XKR6: variants seen among roughly 807,000 people sequenced by gnomAD.
The protein encoded by XKR6 is XK related 6.
In XKR6, 22 loss-of-function variants were observed where a neutral mutation model predicts 56.7. The observed-to-expected ratio is 0.39, with a 90% CI of 0.28 to 0.55. XKR6 has a LOEUF of 0.55. Ranked by LOEUF, XKR6 falls within the 20% of genes least tolerant of loss-of-function variation. XKR6 has a pLI of 0.66. For missense variants in XKR6, 852 were observed against 889.0 expected (o/e 0.96, Z 0.53); for synonymous variants, 524 against 387.8 (o/e 1.35, Z -4.13).
chr8:11,005,773 T>C (rs998745482), intron 1 of XKR6, among the ~76,000 whole-genome samples: 3 of 152,050 alleles, frequency 2.0e-5, no homozygotes, highest in Admixed American at 2.0e-4. Flanking sequence ...TATTTTCCTC[T>C]TTTTCATATC....
At chr8:11,190,383 T>G (rs368769021) in intron 1 of XKR6, among the ~76,000 whole-genome samples, 1 of 152,130 alleles carries the variant, frequency 6.6e-6, no homozygotes, top group African/African-American at 2.4e-5. Flanking sequence ...CATATTTGAG[T>G]GCAGTATTTA....
chr8:11,188,100 A>G (rs943913711), intron 1 of XKR6, among the ~76,000 whole-genome samples: 1 of 152,120 alleles, frequency 6.6e-6, no homozygotes, highest in African/African-American at 2.4e-5. Flanking sequence ...GAATGTGTGT[A>G]TCACATTACA....
intron 1 of XKR6, among the ~76,000 whole-genome samples, chr8:10,973,726 G>A (rs540559448): frequency 5.9e-5 from 9 of 152,098 alleles, no homozygotes; most frequent in South Asian, 4.1e-4. Flanking sequence ...GACTACAGGC[G>A]CATGCCACCA....
Position 11,071,920 on chromosome 8 carries a change from G to C in XKR6, c.764+128656C>G, listed in dbSNP as rs558605717. Among the ~76,000 whole-genome samples, 119 of 152,302 alleles carry C rather than the reference G, an allele frequency of 7.8e-4. 1 individual carries two copies. The South Asian group carries it at 0.02, about 25-fold the overall frequency. On this transcript the variant is annotated intron_variant, in intron 1 of 2. Coordinates refer to ENST00000416569, the MANE Select transcript of XKR6 (RefSeq NM_173683.4). ...CCTCTGAATATATGCACTACACCAA[G>C]AAAATCAGATCATATATAGACCTCC...
At chr8:10,961,965 C>T (rs1006804962) in intron 1 of XKR6, among the ~76,000 whole-genome samples, 5 of 152,206 alleles carry the variant, frequency 3.3e-5, no homozygotes, top group African/African-American at 7.2e-5. Flanking sequence ...AGCTATTATA[C>T]ACCACCTTTC....
At chr8:11,115,543 T>C (rs1000514625) in intron 1 of XKR6, among the ~76,000 whole-genome samples, 15 of 152,230 alleles carry the variant, frequency 9.9e-5, no homozygotes, top group Admixed American at 9.2e-4. Context: ...TCACATATAG[T>C]CTACACTAAC....
intron 1 of XKR6, among the ~76,000 whole-genome samples, chr8:11,188,284 C>A (rs1414956311): frequency 6.6e-6 from 1 of 152,164 alleles, no homozygotes; most frequent in East Asian, 1.9e-4. Flanking sequence ...TCCCACATTA[C>A]AGCTCAGAAA....
chr8:11,119,484 T>A (rs1799341850), intron 1 of XKR6, among the ~76,000 whole-genome samples: 1 of 152,258 alleles, frequency 6.6e-6, no homozygotes, highest in South Asian at 2.1e-4. Context: ...TTTATGAATC[T>A]GGGTGCTCCT....
At chr8:10,926,147 G>T (rs1800873998) in intron 1 of XKR6, among the ~76,000 whole-genome samples, 1 of 152,192 alleles carries the variant, frequency 6.6e-6, no homozygotes, top group Non-Finnish European at 1.5e-5. Flanking sequence ...TCCAGGCCCA[G>T]CTGGCCTCAG....
chr8:10,932,429 T>C (rs1472841371), intron 1 of XKR6, among the ~76,000 whole-genome samples: 6 of 151,690 alleles, frequency 4.0e-5, no homozygotes, highest in East Asian at 1.9e-4. Flanking sequence ...CTTTTTCTTT[T>C]TTTTTTTTAT....
At chr8:11,183,911 G>C (rs891033223) in intron 1 of XKR6, among the ~76,000 whole-genome samples, 1 of 152,126 alleles carries the variant, frequency 6.6e-6, no homozygotes, top group African/African-American at 2.4e-5. Context: ...TGTTTATCTG[G>C]AGCATGCTTT....
chr8:10,902,415 T>C (rs957782134), intron 2 of XKR6, among the ~76,000 whole-genome samples: 30 of 152,150 alleles, frequency 2.0e-4, no homozygotes, highest in African/African-American at 6.8e-4. Context: ...TTGGGTGGCT[T>C]GCTCAAGACT....
At chr8:11,046,932 G>C (rs542558291) in intron 1 of XKR6, among the ~76,000 whole-genome samples, 4 of 152,108 alleles carry the variant, frequency 2.6e-5, no homozygotes, top group Non-Finnish European at 5.9e-5. Context: ...CTTATGTGTG[G>C]AATCTAAACA....
At chr8:10,940,706 C>A (rs1801362716) in intron 1 of XKR6, among the ~76,000 whole-genome samples, 1 of 152,178 alleles carries the variant, frequency 6.6e-6, no homozygotes, top group Non-Finnish European at 1.5e-5. Flanking sequence ...CCTTGGCCAG[C>A]AGCAGTGTCA....
intron 1 of XKR6, among the ~76,000 whole-genome samples, chr8:10,983,049 G>T (rs1045855649): frequency 1.3e-5 from 2 of 152,044 alleles, no homozygotes; most frequent in Non-Finnish European, 2.9e-5. Flanking sequence ...AAGAATATAT[G>T]AAAACATCTT....
At chr8:11,186,980 A>G (rs960600866) in intron 1 of XKR6, among the ~76,000 whole-genome samples, 7 of 152,344 alleles carry the variant, frequency 4.6e-5, no homozygotes, top group African/African-American at 1.7e-4. Flanking sequence ...AGAGAAAAAA[A>G]CCATGAAAAC....
At chr8:11,059,106 T>A (rs999032730) in intron 1 of XKR6, among the ~76,000 whole-genome samples, 1 of 151,992 alleles carries the variant, frequency 6.6e-6, no homozygotes, top group Non-Finnish European at 1.5e-5. Context: ...AGGCCTCCTA[T>A]CCAGACCAAG....
At chr8:11,136,171 G>A (rs533377660) in intron 1 of XKR6, among the ~76,000 whole-genome samples, 1 of 152,158 alleles carries the variant, frequency 6.6e-6, no homozygotes, top group Non-Finnish European at 1.5e-5. Flanking sequence ...TTACGTATAG[G>A]ACTTACATGC....
At chr8:10,966,661 G>C (rs959672177) in intron 1 of XKR6, among the ~76,000 whole-genome samples, 6 of 152,092 alleles carry the variant, frequency 3.9e-5, no homozygotes, top group African/African-American at 1.4e-4. Flanking sequence ...ACCACAGAGT[G>C]AGACTCTGTC....
Sources: gnomAD v4.1 joint callset for allele counts (sites outside exome capture counted in the v4.1 genomes callset) on GRCh38, gnomAD v4.1.1 for gene constraint, MANE v1.5 for transcripts, NCBI Gene and HGNC (gene_info 2026-07-23, HGNC 2026-07-21) for gene names.